Variants in CD84 observed in about 807,000 individuals in gnomAD.
The protein encoded by CD84 is CD84 molecule.
In CD84, 22 loss-of-function variants were observed where a neutral mutation model predicts 33.8. That is an observed-to-expected ratio of 0.65 (90% confidence interval 0.46 to 0.93). The LOEUF (loss-of-function observed/expected upper bound fraction) is 0.93. CD84 is among the 40% of genes least tolerant of loss of function. The pLI, the probability that CD84 is intolerant of heterozygous loss-of-function variation, is 0.00. For missense variants in CD84, 400 were observed against 397.6 expected (o/e 1.01, Z -0.05); for synonymous variants, 154 against 145.2 (o/e 1.06, Z -0.44).
chr1:160,549,829 C>T (rs1656078884), intron 6 of CD84, 88 bp downstream of exon 6: 1 of 987,576 alleles, frequency 1.0e-6, no homozygotes, highest in East Asian at 2.4e-5. Flanking sequence ...CCCAGGGGAA[C>T]CAGCTAGCCC....
At position 160,555,436 on chromosome 1, in the gene CD84, C is replaced by A. The variant is rs1411405369; in HGVS notation, c.389-1290G>T. On this transcript the variant is annotated intron_variant, in intron 2 of 6. Coordinates refer to ENST00000368054, the MANE Select transcript of CD84 (RefSeq NM_003874.4). ...CTGTTTTCTGGTGTATGTATATTTT[C>A]TTTATTTTTTAAAAACTATCCATGG... Among the ~76,000 whole-genome samples, 3 of 152,066 alleles carry A rather than the reference C, an allele frequency of 2.0e-5. No homozygotes were observed. In the East Asian group the frequency reaches 5.8e-4, roughly 29 times the overall value.
intron 2 of CD84, among the ~76,000 whole-genome samples, chr1:160,557,901 C>T (rs1656709482): frequency 6.6e-6 from 1 of 152,178 alleles, no homozygotes; most frequent in Non-Finnish European, 1.5e-5. Context: ...CAGACTGCTG[C>T]TTTACTCTCA....
In CD84 at chr1:160,548,180, A is replaced by G. The variant is rs1194266846; in HGVS notation, c.*76T>C. The G allele has an allele frequency of 1.4e-6, 2 of 1,477,082 alleles. No homozygotes were observed. Among genetic ancestry groups the G allele is most frequent in the Non-Finnish European group, 1.9e-6 (2 of 1,057,792 alleles). The allele number at this position is 1,477,082 out of a possible 1,614,324, so 91.5% of individuals were successfully genotyped here. On this transcript the variant is annotated 3_prime_UTR_variant, in exon 7 of 7. Transcript: ENST00000368054. ...ATCTCCCAGTAAGAGTTGGGCAGAGAAGATCTGGATCCAGGGAACCTGCCA... is the reference window on the plus strand; with the variant it reads ...ATCTCCCAGTAAGAGTTGGGCAGAGGAGATCTGGATCCAGGGAACCTGCCA...
At chr1:160,568,723 C>T (rs544139120) in intron 1 of CD84, among the ~76,000 whole-genome samples, 2 of 151,792 alleles carry the variant, frequency 1.3e-5, no homozygotes, top group Non-Finnish European at 2.9e-5. Flanking sequence ...CGGGTTCAGG[C>T]AGTTCTCCTG....
rs1247961672 is a variant in CD84 at position 160,543,066 on chromosome 1, T to A, written c.*5190A>T. On this transcript the variant is annotated 3_prime_UTR_variant, in exon 7 of 7. Coordinates refer to ENST00000368054, the MANE Select transcript of CD84 (RefSeq NM_003874.4). Reference sequence around the variant, plus strand: ...CAGAATGTTTATGACCTGAAACCCCTGCCTGTCCAAAATGCATATAGAGAG... The same window carrying A: ...CAGAATGTTTATGACCTGAAACCCCAGCCTGTCCAAAATGCATATAGAGAG... 6.6e-6 allele frequency: 1 copy of A among 152,198 alleles called. No individual in the cohort carries two copies. The highest frequency in any genetic ancestry group is 2.4e-5 in the African/African-American group (1 of 41,446). The allele number at this position is 152,198 out of a possible 1,614,324, so 9.4% of individuals were successfully genotyped here. A position where few individuals can be genotyped will look rare whatever the true frequency, so the allele number is the denominator to read the frequency against.
At chr1:160,552,188 T>A (rs979795620) in intron 4 of CD84, among the ~76,000 whole-genome samples, 1 of 152,208 alleles carries the variant, frequency 6.6e-6, no homozygotes, top group Non-Finnish European at 1.5e-5. Context: ...CTCTCTTGTC[T>A]CATTTATAGA....
chr1:160,549,852 A>G (rs1656081465), intron 6 of CD84, 65 bp downstream of exon 6: 2 of 1,202,788 alleles, frequency 1.7e-6, no homozygotes, highest in East Asian at 4.7e-5. Flanking sequence ...GGTTGGATGG[A>G]CCGGGTGCAC....
intron 4 of CD84, 34 bp from the exon 5 acceptor site, chr1:160,551,069 T>G: frequency 6.6e-7 from 1 of 1,511,726 alleles, no homozygotes; most frequent in Non-Finnish European, 9.2e-7. Flanking sequence ...CCACAGTCTG[T>G]GAAAGGTGGT....
rs749109623 is a variant in CD84 at position 160,553,954 on chromosome 1, G to T, written c.581C>A (p.Thr194Lys). Residue 194 changes from threonine to lysine, a missense_variant, in exon 3 of 7, where the codon ACA (threonine) becomes AAA (lysine). Transcript: ENST00000368054. The stretch of plus-strand genomic sequence containing the variant: ...ATTGTTGCTGACAGGGTTCTGGGCT[G>T]TACACGTGTAAGTCAGCTCTTGGTC... ...PEDQELTYTC[T>K]AQNPVSNNSD... The T allele has an allele frequency of 3.1e-6, 5 of 1,614,220 alleles. No individual in the cohort carries two copies. The South Asian group carries it at 5.5e-5, about 18-fold the overall frequency.
At chr1:160,571,815 C>T (rs577000733) in intron 1 of CD84, among the ~76,000 whole-genome samples, 11 of 152,174 alleles carry the variant, frequency 7.2e-5, no homozygotes, top group Admixed American at 3.3e-4. Flanking sequence ...CATCAATCTG[C>T]GTGTCTGTGT....
chr1:160,553,688 C>T, intron 3 of CD84, 191 bp from the exon 4 acceptor site: 1 of 951,686 alleles, frequency 1.1e-6, no homozygotes, highest in Non-Finnish European at 1.6e-6. Context: ...TGATCAGGGG[C>T]TGCCACAGAA....
chr1:160,573,151 A>G (rs910780098), intron 1 of CD84, among the ~76,000 whole-genome samples: 1 of 152,204 alleles, frequency 6.6e-6, no homozygotes, highest in Non-Finnish European at 1.5e-5. Context: ...TATTTGAAAA[A>G]ACAAAAAACA....
In CD84 at chr1:160,551,311, A is replaced by G. The variant is rs1656206037; in HGVS notation, c.761-276T>C. 5 of 392,604 alleles carry G rather than the reference A, an allele frequency of 1.3e-5. No homozygotes were observed. The South Asian group carries it at 1.3e-4, about 10-fold the overall frequency. 24.3% of individuals were successfully genotyped at this position (392,604 alleles called of 1,614,324 possible). A position where few individuals can be genotyped will look rare whatever the true frequency, so the allele number is the denominator to read the frequency against. On this transcript the variant is annotated intron_variant, in intron 4 of 6. Coordinates refer to ENST00000368054, the MANE Select transcript of CD84 (RefSeq NM_003874.4). ...CCTCCCTGTGTGGCCAGTCAAATGT[A>G]GCTCTTCTACCCAGGATCTCCCTTC...
intron 2 of CD84, among the ~76,000 whole-genome samples, chr1:160,559,071 C>T (rs972690839): frequency 6.6e-6 from 1 of 152,072 alleles, no homozygotes; most frequent in African/African-American, 2.4e-5. Flanking sequence ...AGATATCATC[C>T]AGGAGAACTT....
chr1:160,578,612 A>T (rs1658117002), intron 1 of CD84, among the ~76,000 whole-genome samples: 1 of 152,146 alleles, frequency 6.6e-6, no homozygotes, highest in South Asian at 2.1e-4. Flanking sequence ...AACATAGTAA[A>T]TTTCTGTTAG....
chr1:160,569,646 A>G (rs1009391381), intron 1 of CD84, among the ~76,000 whole-genome samples: 1 of 152,162 alleles, frequency 6.6e-6, no homozygotes, highest in African/African-American at 2.4e-5. Context: ...AGGAATTCTA[A>G]GAAGGGAGGG....
At chr1:160,568,657 GTCACC>G (rs1657477982) in intron 1 of CD84, among the ~76,000 whole-genome samples, 1 of 152,238 alleles carries the variant, frequency 6.6e-6, no homozygotes, top group Non-Finnish European at 1.5e-5. Flanking sequence ...CTCTCTCACT[GTCACC>G]CACGCTGGAG....
At chr1:160,577,053 A>C (rs964471446) in intron 1 of CD84, among the ~76,000 whole-genome samples, 2 of 152,180 alleles carry the variant, frequency 1.3e-5, no homozygotes, top group African/African-American at 4.8e-5. Context: ...ATGTGGAGAG[A>C]CAGTCAGAGT....
chr1:160,555,255 T>G (rs1455559117), intron 2 of CD84, among the ~76,000 whole-genome samples: 1 of 151,936 alleles, frequency 6.6e-6, no homozygotes, highest in Non-Finnish European at 1.5e-5. Context: ...AATTTTGTTT[T>G]TGTATTTTTA....
Sources: gnomAD v4.1 joint callset for allele counts (sites outside exome capture counted in the v4.1 genomes callset) on GRCh38, gnomAD v4.1.1 for gene constraint, MANE v1.5 for transcripts, NCBI Gene and HGNC (gene_info 2026-07-23, HGNC 2026-07-21) for gene names.